Variants in EDA observed in about 807,000 individuals in gnomAD.
EDA encodes the protein ectodysplasin A.
Under a neutral mutation model 23.6 loss-of-function variants are expected in EDA, and 2 were observed. The observed-to-expected ratio is 0.08, with a 90% confidence interval of 0.03 to 0.27. The LOEUF (loss-of-function observed/expected upper bound fraction) is 0.27, where lower values mean the gene tolerates loss of function less well. EDA is among the 10% of genes least tolerant of loss of function. The pLI is 1.00. For synonymous variants in EDA, 131 were observed against 132.0 expected, an observed-to-expected ratio of 0.99 and a Z score of 0.05; for missense variants, 229 against 324.2, an observed-to-expected ratio of 0.71 and a Z score of 2.26.
intron 1 of EDA, among the ~76,000 whole-genome samples, chrX:69,764,107 A>G (rs954315005): frequency 9.2e-6 from 1 of 109,011 alleles, no homozygotes; most frequent in Non-Finnish European, 1.9e-5. Flanking sequence ...GAAAGTGTAT[A>G]TGCCTCCTCA....
intron 2 of EDA, among the ~76,000 whole-genome samples, chrX:69,988,839 G>A (rs1057017157): frequency 1.8e-5 from 2 of 110,906 alleles, no homozygotes; most frequent in African/African-American, 3.3e-5. Context: ...CTGGGCAAGA[G>A]AGCGAGACTC....
At chrX:69,878,464 G>C (rs915531605) in intron 1 of EDA, among the ~76,000 whole-genome samples, 1 of 112,363 alleles carries the variant, frequency 8.9e-6, no homozygotes, top group Non-Finnish European at 1.9e-5. Context: ...AAGGACTGTG[G>C]AAAAGCTTCA....
At chrX:69,665,183 A>G in intron 1 of EDA, among the ~76,000 whole-genome samples, 1 of 112,034 alleles carries the variant, frequency 8.9e-6, no homozygotes, top group Non-Finnish European at 1.9e-5. Flanking sequence ...ATTGAGTTGT[A>G]TGAGTTCTTT....
intron 1 of EDA, among the ~76,000 whole-genome samples, chrX:69,930,478 T>TA (rs200057809): frequency 4.7e-4 from 49 of 103,762 alleles, no homozygotes; most frequent in Admixed American, 1.2e-3. Context: ...ATTCATGATT[T>TA]AAAAAAAAAA....
intron 1 of EDA, among the ~76,000 whole-genome samples, chrX:69,799,578 G>A (rs1305451027): frequency 9.1e-6 from 1 of 109,645 alleles, no homozygotes; most frequent in Non-Finnish European, 1.9e-5. Context: ...AAGAAGACAT[G>A]TAAATGTCCA....
At chrX:69,769,088 T>C (rs1159597180) in intron 1 of EDA, among the ~76,000 whole-genome samples, 1 of 111,662 alleles carries the variant, frequency 9.0e-6, no homozygotes, top group East Asian at 2.8e-4. Flanking sequence ...TTGAGACTTG[T>C]TTCATGGCCC....
In EDA at chrX:69,616,643, A is replaced by T; in HGVS notation, c.335A>T (p.Lys112Met). Residue 112 changes from lysine to methionine, a missense_variant, in exon 1 of 8, where the codon AAG becomes ATG. Lys to Met is a moderately conservative substitution (Grantham distance 95). Transcript: ENST00000374552. ...ITSHLGQPSP[K>M]QQPLEPGEAA... The stretch of plus-strand genomic sequence containing the variant: ...AGTCACCTTGGGCAGCCGTCACCTA[A>T]GCAGCAGCCATTGGAACCGGGAGAA... 8.3e-7 allele frequency: 1 copy of T among 1,211,164 alleles called. No individual in the cohort carries two copies. The highest frequency in any genetic ancestry group is 1.1e-6 in the Non-Finnish European group (1 of 895,254).
At chrX:69,825,489 G>T (rs1318040743) in intron 1 of EDA, among the ~76,000 whole-genome samples, 1 of 111,394 alleles carries the variant, frequency 9.0e-6, no homozygotes, top group Non-Finnish European at 1.9e-5. Context: ...TTTGCATAGA[G>T]GTGTTTGTAG....
chrX:69,764,802 GTAA>G (rs2014422541), intron 1 of EDA, among the ~76,000 whole-genome samples: 1 of 111,106 alleles, frequency 9.0e-6, no homozygotes, highest in African/African-American at 3.3e-5. Flanking sequence ...GTTTATTTAA[GTAA>G]TAATATTCTC....
At chrX:69,854,684 C>T (rs1368080555) in intron 1 of EDA, among the ~76,000 whole-genome samples, 1 of 112,501 alleles carries the variant, frequency 8.9e-6, no homozygotes, top group African/African-American at 3.2e-5. Context: ...ATAGATACCA[C>T]ATTTTCTTTA....
chrX:69,786,959 A>G (rs2015210154), intron 1 of EDA, among the ~76,000 whole-genome samples: 1 of 101,451 alleles, frequency 9.9e-6, no homozygotes. Flanking sequence ...GACTTGCTTT[A>G]TGAATCTGGG....
chrX:69,886,431 G>A (rs944648455), intron 1 of EDA, among the ~76,000 whole-genome samples: 2 of 111,150 alleles, frequency 1.8e-5, no homozygotes, highest in Non-Finnish European at 3.8e-5. Context: ...GCCAATCTGT[G>A]ACCCCAGAAA....
chrX:69,771,967 A>AT lies in EDA; in HGVS notation c.396+155270dup, dbSNP rs767338561. Reference sequence around the variant, plus strand: ...ATCAAATGCTTTTTAATTTTTTAACATTTTTTTGATGGAGTCTTGATCTGT... The same window carrying AT: ...ATCAAATGCTTTTTAATTTTTTAACATTTTTTTTGATGGAGTCTTGATCTGT... On this transcript the variant is annotated intron_variant, in intron 1 of 7. Transcript: ENST00000374552. 5.4e-5 allele frequency among the ~76,000 whole-genome samples: 6 copies of AT among 111,354 alleles called. No individual in the cohort carries two copies. In the Admixed American group the frequency reaches 5.7e-4, roughly 11 times the overall value.
rs199498547 is a variant in EDA at position 69,827,776 on chromosome X, C to G, written c.397-129251C>G. On this transcript the variant is annotated intron_variant, in intron 1 of 7. Transcript: ENST00000374552. ...GTTCCTTTGGAGGAGGAGAGGCGCT[C>G]TGCTTTTTAGAGTTTCCAGTTTTTC... Among the ~76,000 whole-genome samples, 317 of 111,841 alleles carry G rather than the reference C, an allele frequency of 2.8e-3. 6 individuals carry two copies. In the East Asian group the frequency reaches 0.076, roughly 27 times the overall value.
chrX:69,696,096 G>T (rs2011331731), intron 1 of EDA, among the ~76,000 whole-genome samples: 1 of 110,385 alleles, frequency 9.1e-6, no homozygotes, highest in South Asian at 3.9e-4. Context: ...AAAATTAGCT[G>T]GGCGTGGTGG....
intron 1 of EDA, among the ~76,000 whole-genome samples, chrX:69,872,293 C>G (rs957084113): frequency 9.0e-6 from 1 of 111,593 alleles, no homozygotes. Flanking sequence ...AAAATAGAAC[C>G]TCCTTAAAGC....
intron 1 of EDA, among the ~76,000 whole-genome samples, chrX:69,827,691 C>T (rs1238064510): frequency 1.8e-5 from 2 of 112,257 alleles, no homozygotes; most frequent in Non-Finnish European, 3.8e-5. Context: ...AAGCCTTCTT[C>T]TCTCAGCTCG....
At chrX:69,969,341 C>T (rs142282061) in intron 2 of EDA, among the ~76,000 whole-genome samples, 62 of 112,483 alleles carry the variant, frequency 5.5e-4, no homozygotes, top group African/African-American at 1.8e-3. Flanking sequence ...ATGTGTTTCT[C>T]ATGATAGCTT....
At chrX:69,980,484 G>A (rs923915462) in intron 2 of EDA, among the ~76,000 whole-genome samples, 2 of 112,083 alleles carry the variant, frequency 1.8e-5, no homozygotes, top group African/African-American at 6.5e-5. Flanking sequence ...AAAAGAATTC[G>A]TCGGAGCTGA....
Sources: allele counts gnomAD v4.1 joint callset (sites outside exome capture counted in the v4.1 genomes callset), GRCh38; gene constraint gnomAD v4.1.1; transcripts MANE v1.5; gene names NCBI Gene and HGNC (gene_info 2026-07-23, HGNC 2026-07-21).